The following UNC13A variants were observed in gnomAD, a reference collection of about 807,000 sequenced individuals.
UNC13A encodes the protein protein unc-13 homolog A.
A neutral mutation model predicts 219.7 loss-of-function variants in UNC13A; 61 were observed. The observed-to-expected ratio is 0.28, with a 90% CI of 0.23 to 0.34. UNC13A has a LOEUF of 0.34. Ranked by LOEUF, UNC13A falls within the 10% of genes least tolerant of loss-of-function variation. The pLI is 1.00. For synonymous variants in UNC13A, 920 were observed against 884.6 expected (o/e 1.04, Z -0.71); for missense variants, 1,476 against 2,270.3 (o/e 0.65, Z 7.11).
At chr19:17,687,301 T>TC (rs371072423) in intron 1 of UNC13A, among the ~76,000 whole-genome samples, 266 of 147,692 alleles carry the variant, frequency 1.8e-3, no homozygotes, top group Middle Eastern at 7.0e-3. Context: ...CCAAAATAGC[T>TC]CCCCCCCCAC....
chr19:17,667,787 T>A lies in UNC13A; in HGVS notation c.468+330A>T, dbSNP rs897010245. Among the ~76,000 whole-genome samples, 3 of 150,094 alleles carry A rather than the reference T, an allele frequency of 2.0e-5. No individual in the cohort carries two copies. In the East Asian group the frequency reaches 5.8e-4, roughly 29 times the overall value. ...ACTAAGCCTGGCTAATTTTTTTTTT[T>A]TTTTTTTTTTTTTAGTAGAGACGGG... On this transcript the variant is annotated intron_variant, in intron 6 of 43. Transcript: ENST00000519716.
chr19:17,666,545 G>T, intron 7 of UNC13A, 105 bp downstream of exon 7: 1 of 854,578 alleles, frequency 1.2e-6, no homozygotes, highest in Non-Finnish European at 1.7e-6. Context: ...GCACTCTCAG[G>T]ACTTGTATCT....
chr19:17,650,487 T>C (rs1457060926), intron 12 of UNC13A, among the ~76,000 whole-genome samples: 1 of 152,100 alleles, frequency 6.6e-6, no homozygotes, highest in Non-Finnish European at 1.5e-5. Context: ...CAATCCAGCC[T>C]GGGTGACAGA....
chr19:17,642,222 A>T (rs1011807913), intron 20 of UNC13A, among the ~76,000 whole-genome samples: 2 of 151,920 alleles, frequency 1.3e-5, no homozygotes, highest in African/African-American at 2.4e-5. Flanking sequence ...CTATCTATCC[A>T]CTCATCAAGT....
chr19:17,687,837 C>A (rs1008069598), intron 1 of UNC13A, among the ~76,000 whole-genome samples: 1 of 152,110 alleles, frequency 6.6e-6, no homozygotes, highest in African/African-American at 2.4e-5. Flanking sequence ...CAGACTCTTC[C>A]TCACTGACCC....
At chr19:17,617,600 T>C (rs1044538073) in intron 41 of UNC13A, 102 bp downstream of exon 41, 1 of 1,508,990 alleles carries the variant, frequency 6.6e-7, no homozygotes, top group Non-Finnish European at 9.1e-7. Flanking sequence ...TTCCGCCCCA[T>C]CCATGACGTC....
intron 1 of UNC13A, among the ~76,000 whole-genome samples, chr19:17,686,854 G>T (rs1226673539): frequency 6.6e-6 from 1 of 151,910 alleles, no homozygotes; most frequent in Non-Finnish European, 1.5e-5. Flanking sequence ...CGGCGGGGGC[G>T]GTTCCCGGCT....
chr19:17,680,869 CTTT>C (rs71162171), intron 1 of UNC13A, among the ~76,000 whole-genome samples: 34 of 106,458 alleles, frequency 3.2e-4, no homozygotes, highest in South Asian at 2.2e-3. Context: ...TCTTCTTCTT[CTTT>C]TTTTTTCTTT....
chr19:17,683,925 CA>C (rs35708247), intron 1 of UNC13A, among the ~76,000 whole-genome samples: 1 of 151,400 alleles, frequency 6.6e-6, no homozygotes, highest in Admixed American at 6.6e-5. Flanking sequence ...CCTGCTTCTG[CA>C]AAAAATTAAA....
chr19:17,633,193 C>G lies in UNC13A; in HGVS notation c.3216G>C (p.Gln1072His). ...TACCCACATTCAGCTCCTGGGGAAA[C>G]CTGGCAAAGTCATGGAAGTATAAAA... The part of the protein sequence containing the change: ...DKNSYTPCLN[Q>H]FPQELNVGKI... Residue 1072 changes from glutamine to histidine, a missense_variant and splice_region_variant, in exon 27 of 44, where the codon CAG becomes CAC. Physicochemically the swap from Gln to His is conservative, Grantham distance 24. Coordinates refer to ENST00000519716, the MANE Select transcript of UNC13A (RefSeq NM_001080421.3). 6.2e-7 allele frequency: 1 copy of G among 1,614,048 alleles called. No individual in the cohort carries two copies. The highest frequency in any genetic ancestry group is 8.5e-7 in the Non-Finnish European group (1 of 1,179,976).
intron 41 of UNC13A, among the ~76,000 whole-genome samples, chr19:17,614,796 C>T (rs368711781): frequency 2.0e-5 from 3 of 152,108 alleles, no homozygotes; most frequent in African/African-American, 4.8e-5. Context: ...TCCACCCCCA[C>T]CCCCCGCCAC....
At chr19:17,648,348 T>C (rs1599375824) in intron 16 of UNC13A, 83 bp downstream of exon 16, 1 of 501,490 alleles carries the variant, frequency 2.0e-6, no homozygotes, top group Non-Finnish European at 2.5e-6. Context: ...ACCCATCGCC[T>C]TGCCCTTCAG....
In UNC13A at chr19:17,683,814, C is replaced by T. The variant is rs541028052; in HGVS notation, c.22+4364G>A. 3.0e-3 allele frequency among the ~76,000 whole-genome samples: 456 copies of T among 152,164 alleles called. 3 individuals are homozygous for T. Among genetic ancestry groups the T allele is most frequent in the African/African-American group, 9.8e-3 (405 of 41,472 alleles). The stretch of plus-strand genomic sequence containing the variant: ...TAGAGCCTTTAAAACATCAGTTGGG[C>T]GTGGTGGCTCACACCTGTAATCCTA... On this transcript the variant is annotated intron_variant, in intron 1 of 43. Transcript: ENST00000519716.
At chr19:17,611,279 G>A (rs1349048306) in intron 42 of UNC13A, among the ~76,000 whole-genome samples, 1 of 152,134 alleles carries the variant, frequency 6.6e-6, no homozygotes, top group Non-Finnish European at 1.5e-5. Flanking sequence ...CACCTCCCGG[G>A]TTCAAGCGAT....
rs151250420 is a variant in UNC13A at position 17,677,352 on chromosome 19, C to CTTTTCTTTTTTT, written c.23-1323_23-1312dup. Among the ~76,000 whole-genome samples the CTTTTCTTTTTTT allele has an allele frequency of 2.7e-5, 4 of 146,938 alleles. No homozygotes were observed. The South Asian group carries it at 8.6e-4, about 32-fold the overall frequency. ...GCTCTTCCCTCCCTTTCCTTTCTTT[C>CTTTTCTTTTTTT]TTTTCTTTTTTTTTTTCTTTTTTTT... On this transcript the variant is annotated intron_variant, in intron 1 of 43. Transcript: ENST00000519716.
At chr19:17,686,236 C>T (rs1017510579) in intron 1 of UNC13A, among the ~76,000 whole-genome samples, 2 of 150,356 alleles carry the variant, frequency 1.3e-5, no homozygotes, top group Admixed American at 1.3e-4. Flanking sequence ...CTGCTGCCCC[C>T]CCTTAATGCC....
At chr19:17,660,864 G>A (rs1166989930) in intron 8 of UNC13A, among the ~76,000 whole-genome samples, 1 of 151,904 alleles carries the variant, frequency 6.6e-6, no homozygotes, top group Non-Finnish European at 1.5e-5. Flanking sequence ...TTCGTTTGTG[G>A]CAAGTTGGTT....
rs774668042 is a variant in UNC13A, at chr19:17,633,160, G to A, written c.3249C>T (p.Ser1083=). Reference sequence around the variant, plus strand: ...CAAACAGATTCCACATCACTTCAGCGCTGATTTTACCCACATTCAGCTCCT... The same window carrying A: ...CAAACAGATTCCACATCACTTCAGCACTGATTTTACCCACATTCAGCTCCT... The part of the protein sequence containing the change: ...FPQELNVGKI[S]AEVMWNLFAQ... The change falls in exon 27 of 44, where the codon AGC becomes AGT. Residue 1083 remains serine, a synonymous_variant. Transcript: ENST00000519716. 43 of 1,614,022 alleles carry A rather than the reference G, an allele frequency of 2.7e-5. No individual in the cohort carries two copies. The highest frequency in any genetic ancestry group is 1.3e-4 in the African/African-American group (10 of 74,896).
chr19:17,628,292 G>T, intron 31 of UNC13A: 1 of 309,244 alleles, frequency 3.2e-6, no homozygotes, highest in South Asian at 4.2e-5. Context: ...GCAACAGCCA[G>T]ACAGTGACAC....
Sources: allele counts gnomAD v4.1 joint callset (sites outside exome capture counted in the v4.1 genomes callset), GRCh38; gene constraint gnomAD v4.1.1; transcripts MANE v1.5; gene names NCBI Gene and HGNC (gene_info 2026-07-23, HGNC 2026-07-21).